The following KCNB2 variants were observed in gnomAD, a reference collection of about 807,000 sequenced individuals.
The protein encoded by KCNB2 is delayed rectifier potassium channel protein.
KCNB2 carries 15 observed loss-of-function variants against 61.5 expected under a neutral mutation model. That is an observed-to-expected ratio of 0.24 (90% confidence interval 0.16 to 0.38). The LOEUF (loss-of-function observed/expected upper bound fraction) is 0.38, where lower values mean the gene tolerates loss of function less well. KCNB2 is among the 10% of genes least tolerant of loss of function. The pLI is 1.00. For missense variants in KCNB2, 828 were observed against 1,125.2 expected (o/e 0.74, Z 3.78); for synonymous variants, 457 against 446.0 (o/e 1.02, Z -0.31).
chr8:72,895,367 G>A (rs1397469446), intron 2 of KCNB2, among the ~76,000 whole-genome samples: 1 of 152,180 alleles, frequency 6.6e-6, no homozygotes. Flanking sequence ...AAGGCATAGA[G>A]CAATGCAGTG....
At chr8:72,649,621 G>A (rs2128986319) in intron 2 of KCNB2, among the ~76,000 whole-genome samples, 1 of 152,176 alleles carries the variant, frequency 6.6e-6, no homozygotes, top group African/African-American at 2.4e-5. Flanking sequence ...AAAATAAAAG[G>A]TGATTTCCAC....
chr8:72,773,892 A>G (rs1808604742), intron 2 of KCNB2, among the ~76,000 whole-genome samples: 1 of 152,166 alleles, frequency 6.6e-6, no homozygotes. Flanking sequence ...AGATATAATA[A>G]TTAGTGAGAA....
At chr8:72,549,762 C>T (rs1256182880) in intron 1 of KCNB2, among the ~76,000 whole-genome samples, 2 of 152,202 alleles carry the variant, frequency 1.3e-5, no homozygotes, top group Non-Finnish European at 2.9e-5. Flanking sequence ...TCCTCTCAGA[C>T]CTCTGGGATG....
chr8:72,718,989 A>G (rs1330241900), intron 2 of KCNB2, among the ~76,000 whole-genome samples: 2 of 152,092 alleles, frequency 1.3e-5, no homozygotes, highest in Non-Finnish European at 2.9e-5. Context: ...AAATGTCAAG[A>G]TAAGGGTTAT....
chr8:72,800,936 C>CT (rs1160847012), intron 2 of KCNB2, among the ~76,000 whole-genome samples: 10 of 152,128 alleles, frequency 6.6e-5, no homozygotes, highest in Non-Finnish European at 5.9e-5. Flanking sequence ...AAGAGTGAAA[C>CT]TTCAGTTCCA....
chr8:72,765,747 G>A (rs1244432267), intron 2 of KCNB2, among the ~76,000 whole-genome samples: 1 of 152,174 alleles, frequency 6.6e-6, no homozygotes, highest in African/African-American at 2.4e-5. Flanking sequence ...GCATGCATCA[G>A]AATCACCGTG....
At chr8:72,755,864 C>T (rs1178125803) in intron 2 of KCNB2, among the ~76,000 whole-genome samples, 1 of 152,180 alleles carries the variant, frequency 6.6e-6, no homozygotes, top group East Asian at 1.9e-4. Flanking sequence ...CACTACAACA[C>T]CTCCCTGTGT....
intron 2 of KCNB2, among the ~76,000 whole-genome samples, chr8:72,932,193 G>C (rs940143906): frequency 6.6e-6 from 1 of 152,150 alleles, no homozygotes; most frequent in Non-Finnish European, 1.5e-5. Context: ...TCTGTAACCA[G>C]GTACAGGGAG....
intron 2 of KCNB2, among the ~76,000 whole-genome samples, chr8:72,873,706 A>G (rs1281997687): frequency 6.6e-6 from 1 of 152,262 alleles, no homozygotes; most frequent in East Asian, 1.9e-4. Context: ...CTGGGGACAA[A>G]GAGAATGACA....
chr8:72,901,238 C>G (rs1806088001), intron 2 of KCNB2, among the ~76,000 whole-genome samples: 1 of 152,114 alleles, frequency 6.6e-6, no homozygotes, highest in Admixed American at 6.6e-5. Context: ...ATGACTCTAA[C>G]AGTACAGTGA....
chr8:72,864,078 A>T (rs949808072), intron 2 of KCNB2, among the ~76,000 whole-genome samples: 1 of 152,152 alleles, frequency 6.6e-6, no homozygotes, highest in Non-Finnish European at 1.5e-5. Context: ...AAAACCACTG[A>T]TTTCTCAAAC....
rs1341655318 is a variant in KCNB2 at position 72,930,639 on chromosome 8, G to A, written c.580-5296G>A. Among the ~76,000 whole-genome samples the A allele has an allele frequency of 2.6e-5, 4 of 152,082 alleles. No homozygotes were observed. The South Asian group carries it at 8.3e-4, about 32-fold the overall frequency. On this transcript the variant is annotated intron_variant, in intron 2 of 2. Transcript: ENST00000523207. ...CATATCCTTCACCCATTTGTTGATGGGGTTGTTTGTTTTTTTCTTGTAAAT... is the reference window on the plus strand; with the variant it reads ...CATATCCTTCACCCATTTGTTGATGAGGTTGTTTGTTTTTTTCTTGTAAAT...
intron 2 of KCNB2, among the ~76,000 whole-genome samples, chr8:72,665,766 C>T (rs1806460208): frequency 7.9e-6 from 1 of 126,914 alleles, no homozygotes; most frequent in African/African-American, 2.8e-5. Flanking sequence ...CAGCCAAAAA[C>T]TTAGTTCTAT....
chr8:72,935,887 C>T (rs1806893810), intron 2 of KCNB2, 48 bp from the exon 3 acceptor site: 1 of 1,371,472 alleles, frequency 7.3e-7, no homozygotes, highest in Admixed American at 1.7e-5. Flanking sequence ...CTCCTAGCTG[C>T]CTAAGCAACT....
intron 2 of KCNB2, among the ~76,000 whole-genome samples, chr8:72,814,879 C>T (rs1440338): frequency 0.65 from 99,473 of 151,960 alleles, 33,244 homozygotes; most frequent in African/African-American, 0.79. Flanking sequence ...TTTTGAATTA[C>T]AGAGAAAACA....
At chr8:72,592,823 G>T (rs557995386) in intron 2 of KCNB2, among the ~76,000 whole-genome samples, 4 of 151,998 alleles carry the variant, frequency 2.6e-5, no homozygotes, top group Non-Finnish European at 5.9e-5. Flanking sequence ...AAATTTGGGG[G>T]TTTTTGTTAT....
At chr8:72,862,525 A>T (rs1805435986) in intron 2 of KCNB2, among the ~76,000 whole-genome samples, 1 of 152,172 alleles carries the variant, frequency 6.6e-6, no homozygotes, top group African/African-American at 2.4e-5. Context: ...AAGAGATTTT[A>T]TGGTTTCTAA....
intron 2 of KCNB2, among the ~76,000 whole-genome samples, chr8:72,698,301 C>T (rs931424829): frequency 6.6e-6 from 1 of 151,874 alleles, no homozygotes; most frequent in Admixed American, 6.6e-5. Flanking sequence ...CCTAGGAATA[C>T]ATGTAACCAA....
intron 2 of KCNB2, among the ~76,000 whole-genome samples, chr8:72,734,573 G>A (rs11784876): frequency 0.4 from 61,555 of 152,058 alleles, 14,637 homozygotes; most frequent in Non-Finnish European, 0.56. Context: ...TGAACTACAG[G>A]ATCCATAATA....
Sources: allele counts gnomAD v4.1 joint callset (sites outside exome capture counted in the v4.1 genomes callset), GRCh38; gene constraint gnomAD v4.1.1; transcripts MANE v1.5; gene names NCBI Gene and HGNC (gene_info 2026-07-23, HGNC 2026-07-21).